Variants in CDC7 observed in about 807,000 individuals in gnomAD.
CDC7 encodes cell division cycle 7, also known as cell division cycle 7-related protein kinase.
A neutral mutation model predicts 53.5 loss-of-function variants in CDC7; 34 were observed. The ratio of observed to expected loss-of-function variants is 0.64; its 90% CI spans 0.48 to 0.85. The LOEUF is 0.85. Among genes scored for constraint, CDC7 ranks in the 40% least tolerant of loss-of-function variants. CDC7 has a pLI of 0.00. For missense variants in CDC7, 594 were observed against 679.7 expected, an observed-to-expected ratio of 0.87 and a Z score of 1.40; for synonymous variants, 211 against 222.8, an observed-to-expected ratio of 0.95 and a Z score of 0.47.
chr1:91,506,864 C>A (rs1356475554), intron 2 of CDC7, among the ~76,000 whole-genome samples: 1 of 152,074 alleles, frequency 6.6e-6, no homozygotes, highest in African/African-American at 2.4e-5. Flanking sequence ...GCATGAGAAT[C>A]TCTTGAACGC....
Position 91,524,094 on chromosome 1 carries a change from T to C in CDC7, c.1384T>C (p.Cys462Arg), listed in dbSNP as rs1163357733. ...TCCAGCACAAGACTTGAGAAAACTC[T>C]GTGAGAGACTCAGGGGTATGGATTC... Reference protein sequence around the residue: ...EVPAQDLRKLCERLRGMDSST... With the variant: ...EVPAQDLRKLRERLRGMDSST... Residue 462 changes from cysteine (C) to arginine (R), a missense_variant, in exon 12 of 12, where the codon TGT (cysteine) becomes CGT (arginine). Coordinates refer to ENST00000234626, the MANE Select transcript of CDC7 (RefSeq NM_003503.4). The C allele has an allele frequency of 3.1e-6, 5 of 1,613,516 alleles. No homozygotes were observed. Among genetic ancestry groups the C allele is most frequent in the Non-Finnish European group, 4.2e-6 (5 of 1,179,738 alleles).
At position 91,501,833 on chromosome 1, in the gene CDC7, T is replaced by A; in HGVS notation, c.115+2T>A. The A allele has an allele frequency of 6.2e-7, 1 of 1,603,920 alleles. No individual in the cohort carries two copies. The highest frequency in any genetic ancestry group is 8.5e-7 in the Non-Finnish European group (1 of 1,170,694). ...ACGAGCAGAATTTTAAACTTGCAGG[T>A]ACGTGTTTAAATCCAAAGATGTACA... On this transcript the variant is annotated splice_donor_variant, in intron 2 of 11. Coordinates refer to ENST00000234626, the MANE Select transcript of CDC7 (RefSeq NM_003503.4). LOFTEE classifies it high-confidence loss of function.
At chr1:91,513,756 C>T (rs972239846) in intron 7 of CDC7, among the ~76,000 whole-genome samples, 192 bp from the exon 8 acceptor site, 1 of 151,988 alleles carries the variant, frequency 6.6e-6, no homozygotes, top group African/African-American at 2.4e-5. Flanking sequence ...ACTATGATAA[C>T]ATTGTATGGG....
intron 4 of CDC7, among the ~76,000 whole-genome samples, chr1:91,508,603 C>T (rs552794757): frequency 2.6e-5 from 4 of 152,278 alleles, no homozygotes; most frequent in East Asian, 3.9e-4. Context: ...CCTTGAGGCT[C>T]GACCTGATTT....
intron 4 of CDC7, among the ~76,000 whole-genome samples, chr1:91,508,716 T>A (rs1354595622): frequency 1.3e-5 from 2 of 152,194 alleles, no homozygotes; most frequent in Non-Finnish European, 2.9e-5. Flanking sequence ...ACATTTCACA[T>A]TTCCCCAGCT....
At chr1:91,521,980 C>T (rs1438650133) in intron 11 of CDC7, among the ~76,000 whole-genome samples, 3 of 151,872 alleles carry the variant, frequency 2.0e-5, no homozygotes, top group East Asian at 3.9e-4. Context: ...TCCTGGCCAA[C>T]GTGGTGAAAC....
At chr1:91,501,591 G>A in intron 1 of CDC7, 63 bp from the exon 2 acceptor site, 1 of 734,460 alleles carries the variant, frequency 1.4e-6, no homozygotes, top group South Asian at 1.6e-5. Context: ...GGGGGCAGTA[G>A]CATGTTTTTA....
intron 1 of CDC7, chr1:91,501,299 AAAAGGTTT>A: frequency 5.9e-6 from 1 of 170,900 alleles, no homozygotes; most frequent in Non-Finnish European, 1.3e-5. Context: ...GTCAGTGGCG[AAAAGGTTT>A]TCTCCCTCAG....
chr1:91,515,372 T>A (rs1183529876), intron 9 of CDC7, among the ~76,000 whole-genome samples: 1 of 152,170 alleles, frequency 6.6e-6, no homozygotes, highest in African/African-American at 2.4e-5. Context: ...CCTCCAACTC[T>A]TTGACTCATA....
At chr1:91,502,945 A>G (rs976316131) in intron 2 of CDC7, among the ~76,000 whole-genome samples, 4 of 151,710 alleles carry the variant, frequency 2.6e-5, no homozygotes, top group Non-Finnish European at 2.9e-5. Context: ...TTTTTAGTTC[A>G]TCTTTCCCTT....
intron 6 of CDC7, 103 bp from the exon 7 acceptor site, chr1:91,512,955 C>T: frequency 6.2e-6 from 6 of 963,868 alleles, no homozygotes; most frequent in Admixed American, 2.7e-5. Context: ...CTAATTGATC[C>T]CAAAAAGAAT....
chr1:91,523,956 C>G (rs1238852104), intron 11 of CDC7, 85 bp from the exon 12 acceptor site: 7 of 1,006,184 alleles, frequency 7.0e-6, no homozygotes, highest in African/African-American at 1.6e-5. Context: ...TTTGAACTTT[C>G]ATGTTTCTCA....
At chr1:91,522,782 A>G (rs1553149957) in intron 11 of CDC7, among the ~76,000 whole-genome samples, 2 of 152,154 alleles carry the variant, frequency 1.3e-5, no homozygotes, top group Non-Finnish European at 2.9e-5. Flanking sequence ...GTCTTCAGTA[A>G]TTGTTTGTTT....
intron 10 of CDC7, among the ~76,000 whole-genome samples, chr1:91,518,093 C>CAAAAAAAAAAAAAAAAA (rs55787737): frequency 8.7e-5 from 4 of 46,028 alleles, no homozygotes; most frequent in African/African-American, 3.5e-4. Context: ...GACTCAGTCT[C>CAAAAAAAAAAAAAAAAA]AAAAAAAAAA....
intron 4 of CDC7, among the ~76,000 whole-genome samples, chr1:91,509,752 C>T (rs1449473334): frequency 1.3e-5 from 2 of 152,112 alleles, no homozygotes; most frequent in African/African-American, 2.4e-5. Flanking sequence ...TCCCTATGTA[C>T]TTTGAAAAAA....
Position 91,507,849 on chromosome 1 carries a change from G to T in CDC7, c.116-5G>T. ...TAAAACTCTAAATTTTTGTTTCCTTGAAAGGTGTTAAAAAAGATATTGAGA... is the reference window on the plus strand; with the variant it reads ...TAAAACTCTAAATTTTTGTTTCCTTTAAAGGTGTTAAAAAAGATATTGAGA... On this transcript the variant is annotated splice_region_variant and splice_polypyrimidine_tract_variant and intron_variant, in intron 2 of 11. Transcript: ENST00000234626. The T allele has an allele frequency of 1.5e-6, 2 of 1,331,872 alleles. No individual in the cohort carries two copies. Among genetic ancestry groups the T allele is most frequent in the South Asian group, 1.3e-5 (1 of 75,050 alleles). The allele number at this position is 1,331,872 out of a possible 1,614,324, so 82.5% of individuals were successfully genotyped here.
intron 11 of CDC7, among the ~76,000 whole-genome samples, chr1:91,521,652 T>C (rs781755080): frequency 6.6e-6 from 1 of 152,214 alleles, no homozygotes; most frequent in Non-Finnish European, 1.5e-5. Context: ...AAAACTTTCA[T>C]CTACTATTGA....
At chr1:91,519,805 C>T (rs1387773288) in intron 10 of CDC7, among the ~76,000 whole-genome samples, 1 of 152,086 alleles carries the variant, frequency 6.6e-6, no homozygotes, top group Non-Finnish European at 1.5e-5. Flanking sequence ...CCTTTTGATC[C>T]TATAAAATGT....
intron 10 of CDC7, among the ~76,000 whole-genome samples, chr1:91,517,734 GA>G (rs1161669012): frequency 2.0e-5 from 3 of 152,220 alleles, no homozygotes; most frequent in African/African-American, 7.2e-5. Flanking sequence ...AAACTCTGAG[GA>G]ATATCCGTCA....
Sources: gnomAD v4.1 joint callset for allele counts (sites outside exome capture counted in the v4.1 genomes callset) on GRCh38, gnomAD v4.1.1 for gene constraint, MANE v1.5 for transcripts, NCBI Gene and HGNC (gene_info 2026-07-23, HGNC 2026-07-21) for gene names.